Variants in CDH13 observed in about 807,000 individuals in gnomAD.
CDH13 encodes cadherin 13, also known as cadherin-13.
CDH13 carries 24 observed loss-of-function variants against 63.8 expected under a neutral mutation model. The ratio of observed to expected loss-of-function variants is 0.38; its 90% CI spans 0.27 to 0.53. The LOEUF (loss-of-function observed/expected upper bound fraction) is 0.53. Among genes scored for constraint, CDH13 ranks in the 20% least tolerant of loss-of-function variants. The probability of loss-of-function intolerance (pLI) is 0.85; values close to 1 mark genes in which losing one functional copy is unlikely to be tolerated. For missense variants in CDH13, 1,049 were observed against 903.1 expected (o/e 1.16, Z -2.07); for synonymous variants, 503 against 355.3 (o/e 1.42, Z -4.67).
intron 10 of CDH13, among the ~76,000 whole-genome samples, chr16:83,724,367 GGATGAATGCATGGGTGGGT>G (rs1910111538): frequency 1.1e-5 from 1 of 90,744 alleles, no homozygotes; most frequent in South Asian, 3.9e-4. Context: ...CATGGGTGGG[GGATGAATGCATGGGTGGGT>G]GATGAATGCA....
intron 2 of CDH13, among the ~76,000 whole-genome samples, chr16:82,979,064 A>C (rs989203893): frequency 6.6e-6 from 1 of 152,180 alleles, no homozygotes; most frequent in Non-Finnish European, 1.5e-5. Context: ...TTATTTTTGA[A>C]CTTTAAGGTT....
Position 83,450,780 on chromosome 16 carries a change from G to A in CDH13, c.782-35697G>A, listed in dbSNP as rs926134189. On this transcript the variant is annotated intron_variant, in intron 6 of 13. Transcript: ENST00000567109. ...AGCTCCTTGGGAAGCTGAGGCAGGA[G>A]AATGGCGTGAACCCGGGAGGCGGAG... 3.6e-4 allele frequency among the ~76,000 whole-genome samples: 55 copies of A among 152,288 alleles called. 1 individual carries two copies. The highest frequency in any genetic ancestry group is 1.2e-3 in the African/African-American group (51 of 41,566).
At chr16:82,972,290 G>T (rs1908871559) in intron 2 of CDH13, among the ~76,000 whole-genome samples, 1 of 152,208 alleles carries the variant, frequency 6.6e-6, no homozygotes, top group African/African-American at 2.4e-5. Context: ...ATTCAGTGGA[G>T]AGTCTGGGTG....
intron 1 of CDH13, among the ~76,000 whole-genome samples, chr16:82,757,033 C>T (rs2034637047): frequency 6.6e-6 from 1 of 152,132 alleles, no homozygotes; most frequent in Non-Finnish European, 1.5e-5. Flanking sequence ...CAAACTGTTA[C>T]TTGCCCATCA....
chr16:83,094,500 G>C (rs773451102), intron 3 of CDH13, among the ~76,000 whole-genome samples: 2 of 152,148 alleles, frequency 1.3e-5, no homozygotes, highest in Non-Finnish European at 2.9e-5. Flanking sequence ...AAGGAGCTGA[G>C]GTCTTATGCC....
At chr16:83,215,662 G>T (rs983023976) in intron 4 of CDH13, among the ~76,000 whole-genome samples, 1 of 151,728 alleles carries the variant, frequency 6.6e-6, no homozygotes, top group African/African-American at 2.4e-5. Flanking sequence ...GGAGCAGGGG[G>T]CGGGCAGGAC....
intron 5 of CDH13, among the ~76,000 whole-genome samples, chr16:83,344,446 C>G (rs1211152351): frequency 1.3e-5 from 2 of 152,186 alleles, no homozygotes; most frequent in Non-Finnish European, 2.9e-5. Context: ...GCCATAAACA[C>G]TTTTGGTTAT....
intron 1 of CDH13, among the ~76,000 whole-genome samples, chr16:82,660,416 A>G (rs551268163): frequency 1.3e-5 from 2 of 150,920 alleles, no homozygotes; most frequent in East Asian, 2.0e-4. Flanking sequence ...ACCACCCACT[A>G]TGGGCGTTCC....
chr16:83,411,431 C>T (rs1413724438), intron 6 of CDH13, among the ~76,000 whole-genome samples: 1 of 152,210 alleles, frequency 6.6e-6, no homozygotes, highest in Non-Finnish European at 1.5e-5. Flanking sequence ...AGACCAAGAG[C>T]TCCATGAAAG....
At chr16:83,504,678 C>G (rs966939319) in intron 7 of CDH13, among the ~76,000 whole-genome samples, 2 of 152,186 alleles carry the variant, frequency 1.3e-5, no homozygotes, top group South Asian at 4.1e-4. Flanking sequence ...CAGCCTCATC[C>G]TCAACACTAG....
intron 8 of CDH13, among the ~76,000 whole-genome samples, chr16:83,658,218 C>T (rs1913068352): frequency 1.4e-5 from 2 of 139,160 alleles, no homozygotes; most frequent in South Asian, 2.4e-4. Flanking sequence ...TCCTCACCAC[C>T]AGGTCCCATA....
chr16:83,325,842 C>A (rs1454095999), intron 5 of CDH13, among the ~76,000 whole-genome samples: 1 of 152,118 alleles, frequency 6.6e-6, no homozygotes, highest in East Asian at 1.9e-4. Flanking sequence ...GAGGCATATT[C>A]TTATGTTGCT....
At chr16:83,260,461 CA>C in intron 5 of CDH13, among the ~76,000 whole-genome samples, 1 of 132,442 alleles carries the variant, frequency 7.6e-6, no homozygotes, top group Admixed American at 8.0e-5. Flanking sequence ...GTGGCGCAGC[CA>C]TCCTACCAAG....
chr16:83,169,609 C>T (rs575358556), intron 4 of CDH13, among the ~76,000 whole-genome samples: 14 of 151,844 alleles, frequency 9.2e-5, no homozygotes, highest in South Asian at 8.3e-4. Flanking sequence ...CTGTTCAAGC[C>T]CTCTTTCCTT....
chr16:82,888,082 T>G (rs2151216816), intron 2 of CDH13, among the ~76,000 whole-genome samples: 1 of 152,298 alleles, frequency 6.6e-6, no homozygotes, highest in Non-Finnish European at 1.5e-5. Flanking sequence ...TTTTTGTCTT[T>G]TTGGTTAGCC....
At chr16:83,264,678 G>A (rs575784649) in intron 5 of CDH13, among the ~76,000 whole-genome samples, 1 of 151,292 alleles carries the variant, frequency 6.6e-6, no homozygotes, top group South Asian at 2.1e-4. Flanking sequence ...TCTATGGCTT[G>A]CAGCTTACCC....
intron 8 of CDH13, among the ~76,000 whole-genome samples, chr16:83,619,681 G>A (rs970897479): frequency 6.6e-6 from 1 of 152,364 alleles, no homozygotes; most frequent in Non-Finnish European, 1.5e-5. Context: ...CCGTGCCCAT[G>A]CCTGTGTCCA....
intron 2 of CDH13, among the ~76,000 whole-genome samples, chr16:82,938,892 G>A (rs972942391): frequency 3.9e-5 from 6 of 152,108 alleles, no homozygotes; most frequent in Non-Finnish European, 8.8e-5. Context: ...GCTCTTGGTT[G>A]AGGACTACTC....
chr16:83,132,532 C>T (rs920316885), intron 4 of CDH13, among the ~76,000 whole-genome samples: 5 of 147,732 alleles, frequency 3.4e-5, no homozygotes, highest in African/African-American at 1.0e-4. Context: ...ACTGCAACGT[C>T]CGCCTCCCAG....
Sources: gnomAD v4.1 joint callset for allele counts (sites outside exome capture counted in the v4.1 genomes callset) on GRCh38, gnomAD v4.1.1 for gene constraint, MANE v1.5 for transcripts, NCBI Gene and HGNC (gene_info 2026-07-23, HGNC 2026-07-21) for gene names.